HS3ST4: variants seen among roughly 807,000 people sequenced by gnomAD.
HS3ST4 encodes heparan sulfate-glucosamine 3-sulfotransferase 4, also known as heparan sulfate glucosamine 3-O-sulfotransferase 4.
Under a neutral mutation model 29.2 loss-of-function variants are expected in HS3ST4, and 17 were observed. The ratio of observed to expected loss-of-function variants is 0.58; its 90% CI spans 0.40 to 0.87. The LOEUF (loss-of-function observed/expected upper bound fraction) is 0.87, where lower values mean the gene tolerates loss of function less well. Ranked by LOEUF, HS3ST4 falls within the 40% of genes least tolerant of loss-of-function variation. The probability of loss-of-function intolerance (pLI) is 0.00; values close to 1 mark genes in which losing one functional copy is unlikely to be tolerated. For synonymous variants in HS3ST4, 314 were observed against 285.7 expected (o/e 1.10, Z -1.00); for missense variants, 627 against 634.5 (o/e 0.99, Z 0.13).
At chr16:25,891,971 C>T (rs570884191) in intron 1 of HS3ST4, among the ~76,000 whole-genome samples, 7 of 152,256 alleles carry the variant, frequency 4.6e-5, no homozygotes, top group Middle Eastern at 3.4e-3. Context: ...ATGAAGATTA[C>T]ATGAACTCAT....
At chr16:25,956,312 A>G (rs1416354025) in intron 1 of HS3ST4, among the ~76,000 whole-genome samples, 1 of 152,194 alleles carries the variant, frequency 6.6e-6, no homozygotes, top group Non-Finnish European at 1.5e-5. Context: ...AGTCTTATTC[A>G]TACTTCAAGG....
chr16:25,933,822 C>G (rs12445063), intron 1 of HS3ST4, among the ~76,000 whole-genome samples: 86,828 of 151,750 alleles, frequency 0.57, 25,968 homozygotes, highest in African/African-American at 0.7. Context: ...CTCTTTTAAA[C>G]AACCAGATCT....
intron 1 of HS3ST4, among the ~76,000 whole-genome samples, chr16:25,784,372 G>T (rs12596380): frequency 0.27 from 40,358 of 152,020 alleles, 5,811 homozygotes; most frequent in East Asian, 0.34. Flanking sequence ...AGTGAGAAAC[G>T]CATGTCTGCA....
At position 25,704,706 on chromosome 16, in the gene HS3ST4, CG is replaced by C. The variant is rs1232297903; in HGVS notation, c.734+11556del. Among the ~76,000 whole-genome samples, 3 of 151,866 alleles carry C rather than the reference CG, an allele frequency of 2.0e-5. No individual in the cohort carries two copies. In the East Asian group the frequency reaches 5.8e-4, roughly 29 times the overall value. ...CAGCCTGGCCAACATGGTGAAACCC[CG>C]TCTCTACTAAAAACACAAAAAATTA... On this transcript the variant is annotated intron_variant, in intron 1 of 1. Transcript: ENST00000331351.
intron 1 of HS3ST4, among the ~76,000 whole-genome samples, chr16:25,718,037 A>C (rs575048685): frequency 6.6e-6 from 1 of 152,294 alleles, no homozygotes; most frequent in East Asian, 1.9e-4. Context: ...GAAAGTCAGC[A>C]GGAACTCCTA....
At chr16:26,124,972 G>C (rs1288091214) in intron 1 of HS3ST4, among the ~76,000 whole-genome samples, 1 of 152,180 alleles carries the variant, frequency 6.6e-6, no homozygotes, top group African/African-American at 2.4e-5. Flanking sequence ...CTTGCCCCAT[G>C]GCATAGGCAG....
intron 1 of HS3ST4, among the ~76,000 whole-genome samples, chr16:25,870,885 T>C (rs1967744680): frequency 6.6e-6 from 1 of 152,132 alleles, no homozygotes; most frequent in Non-Finnish European, 1.5e-5. Context: ...GAAAACAGGA[T>C]GTACGGCACA....
At chr16:25,965,160 C>T (rs1034118631) in intron 1 of HS3ST4, among the ~76,000 whole-genome samples, 7 of 152,030 alleles carry the variant, frequency 4.6e-5, no homozygotes, top group African/African-American at 7.2e-5. Context: ...GGGAGGATCC[C>T]TACCCTACAG....
At position 25,692,336 on chromosome 16, in the gene HS3ST4, G is replaced by T; in HGVS notation, c.-82G>T. On this transcript the variant is annotated 5_prime_UTR_variant, in exon 1 of 2. Coordinates refer to ENST00000331351, the MANE Select transcript of HS3ST4 (RefSeq NM_006040.3). ...GGCGGCGGCGGCGGCGGCGGCGGCG[G>T]CGGGGGCGGCGGCTGAAACCATGTC... The T allele has an allele frequency of 6.1e-6, 1 of 163,476 alleles. No individual in the cohort carries two copies. The highest frequency in any genetic ancestry group is 1.2e-5 in the Non-Finnish European group (1 of 81,378). The allele number at this position is 163,476 out of a possible 1,614,324, so 10.1% of individuals were successfully genotyped here. A position where few individuals can be genotyped will look rare whatever the true frequency, so the allele number is the denominator to read the frequency against.
At chr16:26,121,758 A>C (rs746956575) in intron 1 of HS3ST4, among the ~76,000 whole-genome samples, 1 of 152,160 alleles carries the variant, frequency 6.6e-6, no homozygotes, top group Non-Finnish European at 1.5e-5. Flanking sequence ...ATCATCATTT[A>C]ATTGTTGCAC....
chr16:25,905,889 C>T (rs1356998821), intron 1 of HS3ST4, among the ~76,000 whole-genome samples: 1 of 152,192 alleles, frequency 6.6e-6, no homozygotes, highest in Non-Finnish European at 1.5e-5. Flanking sequence ...GGGCAGGTTT[C>T]ATTCCTTTAT....
chr16:26,011,490 G>A (rs1567293137), intron 1 of HS3ST4, among the ~76,000 whole-genome samples: 1 of 152,180 alleles, frequency 6.6e-6, no homozygotes, highest in Non-Finnish European at 1.5e-5. Flanking sequence ...AACGCAGGAT[G>A]CAGAAGTTGC....
intron 1 of HS3ST4, among the ~76,000 whole-genome samples, chr16:25,703,544 T>C (rs1966351499): frequency 1.3e-5 from 2 of 152,386 alleles, no homozygotes; most frequent in South Asian, 4.1e-4. Context: ...CATACGTTCT[T>C]ACCTTTATTT....
At chr16:25,793,399 T>C (rs1054626182) in intron 1 of HS3ST4, among the ~76,000 whole-genome samples, 3 of 151,970 alleles carry the variant, frequency 2.0e-5, no homozygotes, top group Non-Finnish European at 2.9e-5. Flanking sequence ...TCTTCTATTA[T>C]GTTTGTGCAT....
At chr16:25,754,482 C>T (rs984583067) in intron 1 of HS3ST4, among the ~76,000 whole-genome samples, 1 of 151,458 alleles carries the variant, frequency 6.6e-6, no homozygotes, top group Non-Finnish European at 1.5e-5. Context: ...CATCCACCTA[C>T]CCATCTGTAC....
At chr16:25,843,726 T>G (rs983932252) in intron 1 of HS3ST4, among the ~76,000 whole-genome samples, 1 of 152,198 alleles carries the variant, frequency 6.6e-6, no homozygotes, top group Non-Finnish European at 1.5e-5. Flanking sequence ...AGCTCTAATC[T>G]TTCAATCATG....
chr16:25,759,051 G>C (rs1596562632), intron 1 of HS3ST4, among the ~76,000 whole-genome samples: 1 of 152,116 alleles, frequency 6.6e-6, no homozygotes, highest in Non-Finnish European at 1.5e-5. Context: ...GATCTAAATA[G>C]CTGTAGCCAG....
At chr16:25,719,726 C>T (rs1408430057) in intron 1 of HS3ST4, among the ~76,000 whole-genome samples, 2 of 152,142 alleles carry the variant, frequency 1.3e-5, no homozygotes, top group Non-Finnish European at 2.9e-5. Context: ...TTCAGGCAGC[C>T]CTTAACTTTT....
chr16:26,097,336 T>C (rs1458024888), intron 1 of HS3ST4, among the ~76,000 whole-genome samples: 1 of 152,260 alleles, frequency 6.6e-6, no homozygotes, highest in East Asian at 1.9e-4. Flanking sequence ...CAAACTATAC[T>C]ACAAGGCTAC....
Sources: allele counts gnomAD v4.1 joint callset (sites outside exome capture counted in the v4.1 genomes callset), GRCh38; gene constraint gnomAD v4.1.1; transcripts MANE v1.5; gene names NCBI Gene and HGNC (gene_info 2026-07-23, HGNC 2026-07-21).